Variants in FSTL4 observed in about 807,000 individuals in gnomAD.
The protein encoded by FSTL4 is follistatin-related protein 4.
In FSTL4, 28 loss-of-function variants were observed where a neutral mutation model predicts 78.2. That is an observed-to-expected ratio of 0.36 (90% CI 0.27 to 0.49). The LOEUF (loss-of-function observed/expected upper bound fraction) is 0.49. Ranked by LOEUF, FSTL4 falls within the 20% of genes least tolerant of loss-of-function variation. FSTL4 has a pLI of 0.98. For missense variants in FSTL4, 922 were observed against 1,084.9 expected, an observed-to-expected ratio of 0.85 and a Z score of 2.11; for synonymous variants, 422 against 440.5, an observed-to-expected ratio of 0.96 and a Z score of 0.53.
chr5:133,804,365 G>A, the FSTL4 span, among the ~76,000 whole-genome samples: 1 of 152,130 alleles, frequency 6.6e-6, no homozygotes, highest in Non-Finnish European at 1.5e-5. Context: ...CTACACCATA[G>A]CAAGTCAGCA....
At chr5:133,449,452 T>G (rs550603005) in intron 3 of FSTL4, among the ~76,000 whole-genome samples, 1 of 152,108 alleles carries the variant, frequency 6.6e-6, no homozygotes, top group African/African-American at 2.4e-5. Context: ...CATGGCCAAA[T>G]AGTCTAACAC....
At chr5:133,320,113 G>T (rs1474316315) in intron 4 of FSTL4, among the ~76,000 whole-genome samples, 1 of 152,142 alleles carries the variant, frequency 6.6e-6, no homozygotes, top group African/African-American at 2.4e-5. Context: ...ATTCCACAGG[G>T]CTTGAGGTGG....
the FSTL4 span, among the ~76,000 whole-genome samples, chr5:133,637,609 A>G: frequency 6.6e-6 from 1 of 151,812 alleles, no homozygotes; most frequent in Non-Finnish European, 1.5e-5. Context: ...CTCCTTGGCC[A>G]CTTCTTCTCA....
chr5:133,416,566 C>T (rs1036408039), intron 3 of FSTL4, among the ~76,000 whole-genome samples: 14 of 152,100 alleles, frequency 9.2e-5, no homozygotes, highest in Admixed American at 8.5e-4. Context: ...AAAAACAGGA[C>T]AAGTTTATAG....
At position 133,547,534 on chromosome 5, in the gene FSTL4, T is replaced by C. The variant is rs527554012; in HGVS notation, c.160+19652A>G. 3.3e-5 allele frequency among the ~76,000 whole-genome samples: 5 copies of C among 152,272 alleles called. No homozygotes were observed. The East Asian group carries it at 7.7e-4, about 23-fold the overall frequency. On this transcript the variant is annotated intron_variant, in intron 3 of 15. Coordinates refer to ENST00000265342, the MANE Select transcript of FSTL4 (RefSeq NM_015082.2). ...TCCCCAGTGTGGTGGTGTTGGGAGA[T>C]GGGGGCTTTAAGAGGTGATTGGGTT...
chr5:133,479,445 G>A (rs1757985245), intron 3 of FSTL4, among the ~76,000 whole-genome samples: 1 of 152,228 alleles, frequency 6.6e-6, no homozygotes, highest in African/African-American at 2.4e-5. Flanking sequence ...CCAAAGAGTG[G>A]AAGCAACCAA....
At chr5:133,698,030 A>T in the FSTL4 span, among the ~76,000 whole-genome samples, 1 of 152,122 alleles carries the variant, frequency 6.6e-6, no homozygotes, top group Middle Eastern at 3.2e-3. Context: ...CTTTTTTCCC[A>T]ATTCAATTCC....
intron 3 of FSTL4, among the ~76,000 whole-genome samples, chr5:133,517,447 A>AAAAAATATATATATATATATATAT (rs1554068019): frequency 1.8e-4 from 3 of 16,394 alleles, no homozygotes; most frequent in African/African-American, 8.4e-4. Flanking sequence ...AAAAAAAAAA[A>AAAAAATATATATATATATATATAT]ATATATATAT....
intron 3 of FSTL4, among the ~76,000 whole-genome samples, chr5:133,484,659 G>A (rs1486804872): frequency 1.3e-5 from 2 of 152,110 alleles, no homozygotes; most frequent in Non-Finnish European, 2.9e-5. Context: ...CTTTCTACAC[G>A]CTGCTCAGCA....
chr5:133,594,488 C>T (rs770949008), intron 2 of FSTL4, among the ~76,000 whole-genome samples: 1 of 152,198 alleles, frequency 6.6e-6, no homozygotes, highest in Non-Finnish European at 1.5e-5. Flanking sequence ...CTACTGCACC[C>T]GGCCAGAAGC....
rs80247386 is a variant in FSTL4, at chr5:133,393,744, T to C, written c.409+6994A>G. 4.5e-3 allele frequency among the ~76,000 whole-genome samples: 690 copies of C among 152,362 alleles called. 7 individuals carry two copies. The highest frequency in any genetic ancestry group is 0.016 in the African/African-American group (648 of 41,592). On this transcript the variant is annotated intron_variant, in intron 4 of 15. Coordinates refer to ENST00000265342, the MANE Select transcript of FSTL4 (RefSeq NM_015082.2). ...GTAACCTTCTGGGTATCCCTCAGTT[T>C]CCTACTCTTTCCTTAGAAAGGAGAC... is the stretch of plus-strand genomic sequence containing the variant.
intron 3 of FSTL4, among the ~76,000 whole-genome samples, chr5:133,529,045 A>C (rs1265050343): frequency 6.6e-6 from 1 of 152,092 alleles, no homozygotes; most frequent in Non-Finnish European, 1.5e-5. Flanking sequence ...TGGGATGCTG[A>C]TCCCCAGGGT....
rs574921565 is a variant in FSTL4 at position 133,521,382 on chromosome 5, C to G, written c.160+45804G>C. 5.9e-5 allele frequency among the ~76,000 whole-genome samples: 9 copies of G among 152,334 alleles called. No individual in the cohort carries two copies. The South Asian group carries it at 1.9e-3, about 32-fold the overall frequency. On this transcript the variant is annotated intron_variant, in intron 3 of 15. Transcript: ENST00000265342. ...CAGTGATCACTAGTCTTCCCAGTTA[C>G]AGATCCTTTTCTCCTGGCTTAAAGC...
At chr5:133,331,636 T>C (rs1255943302) in intron 4 of FSTL4, among the ~76,000 whole-genome samples, 1 of 152,150 alleles carries the variant, frequency 6.6e-6, no homozygotes, top group African/African-American at 2.4e-5. Context: ...CAGAGAAGAA[T>C]GACCCAAACA....
intron 3 of FSTL4, among the ~76,000 whole-genome samples, chr5:133,442,289 C>A (rs994717123): frequency 1.3e-5 from 2 of 152,230 alleles, no homozygotes; most frequent in Admixed American, 6.5e-5. Flanking sequence ...GACAACAGGA[C>A]TGAAAATTGA....
At position 133,236,019 on chromosome 5, in the gene FSTL4, C is replaced by T. The variant is rs1198951257; in HGVS notation, c.895-2482G>A. On this transcript the variant is annotated intron_variant, in intron 7 of 15. Coordinates refer to ENST00000265342, the MANE Select transcript of FSTL4 (RefSeq NM_015082.2). The surrounding 1 kb of genome is among the most constrained non-coding windows in gnomAD (Gnocchi z 5.0). ...AAAGGGTGGCAGGGCTTGGAAACTC[C>T]TCAGCGTCCCAGTTGGTGGGTCCCA... Among the ~76,000 whole-genome samples the T allele has an allele frequency of 6.6e-6, 1 of 152,096 alleles. No homozygotes were observed. The highest frequency in any genetic ancestry group is 1.5e-5 in the Non-Finnish European group (1 of 68,010).
At chr5:133,515,071 C>G (rs761886302) in intron 3 of FSTL4, among the ~76,000 whole-genome samples, 1 of 152,028 alleles carries the variant, frequency 6.6e-6, no homozygotes, top group Non-Finnish European at 1.5e-5. Context: ...ATAGAAGAAT[C>G]CCCGATAAGC....
At position 133,362,385 on chromosome 5, in the gene FSTL4, T is replaced by C. The variant is rs1454771513; in HGVS notation, c.409+38353A>G. Among the ~76,000 whole-genome samples, 3 of 152,264 alleles carry C rather than the reference T, an allele frequency of 2.0e-5. No individual in the cohort carries two copies. The East Asian group carries it at 5.8e-4, about 29-fold the overall frequency. ...GCAATACATGGGGTGTTATTAAATA[T>C]TTGTTCTAAAAAGTCGGCACTGGAT... On this transcript the variant is annotated intron_variant, in intron 4 of 15. Coordinates refer to ENST00000265342, the MANE Select transcript of FSTL4 (RefSeq NM_015082.2).
intron 3 of FSTL4, among the ~76,000 whole-genome samples, chr5:133,422,497 G>A (rs909077362): frequency 6.6e-6 from 1 of 151,988 alleles, no homozygotes; most frequent in African/African-American, 2.4e-5. Context: ...GCTGAACAAT[G>A]AGGAGGATGC....
Sources: allele counts gnomAD v4.1 joint callset (sites outside exome capture counted in the v4.1 genomes callset), GRCh38; gene constraint gnomAD v4.1.1; non-coding constraint Gnocchi (gnomAD v3.1); transcripts MANE v1.5; gene names NCBI Gene and HGNC (gene_info 2026-07-23, HGNC 2026-07-21).